The following PAK5 variants were observed in gnomAD, a reference collection of about 807,000 sequenced individuals.
PAK5 encodes the protein serine/threonine-protein kinase PAK 5.
Under a neutral mutation model 65.9 loss-of-function variants are expected in PAK5, and 16 were observed. The observed-to-expected ratio is 0.24, with a 90% CI of 0.16 to 0.37. PAK5 has a LOEUF of 0.37. Among genes scored for constraint, PAK5 ranks in the 10% least tolerant of loss-of-function variants. The pLI is 1.00. For synonymous variants in PAK5, 371 were observed against 354.9 expected (o/e 1.05, Z -0.51); for missense variants, 785 against 903.9 (o/e 0.87, Z 1.69).
Position 9,539,494 on chromosome 20 carries a change from C to G in PAK5, c.2128G>C (p.Val710Leu). ...TGCCTGTATTGTCTCATGAGGGGGA[C>G]GATGCAAGACGGTGGACCTGCTAGT... is the stretch of plus-strand genomic sequence containing the variant. ...LKLAGPPSCI[V>L]PLMRQYRHH is the part of the protein sequence containing the mutation. The change falls in exon 10 of 10, where the codon GTC becomes CTC. Residue 710 changes from valine to leucine, a missense_variant. This residue lies in a region of PAK5 where 110 missense variants were observed against 107.4 expected (regional missense o/e 1.02). Coordinates refer to ENST00000353224, the MANE Select transcript of PAK5 (RefSeq NM_177990.4). 1 of 1,613,958 alleles carries G rather than the reference C, an allele frequency of 6.2e-7. No individual in the cohort carries two copies. The highest frequency in any genetic ancestry group is 8.5e-7 in the Non-Finnish European group (1 of 1,179,924).
At chr20:9,574,742 A>G (rs932636146) in intron 4 of PAK5, among the ~76,000 whole-genome samples, 2 of 152,180 alleles carry the variant, frequency 1.3e-5, no homozygotes, top group Admixed American at 6.5e-5. Context: ...GAGATAGTGC[A>G]CTCAGTCAGT....
intron 1 of PAK5, among the ~76,000 whole-genome samples, chr20:9,713,924 T>A (rs1401433697): frequency 1.6e-4 from 25 of 151,998 alleles, no homozygotes; most frequent in Admixed American, 1.6e-3. Context: ...ATAGAAGGAA[T>A]AAGTTCTAAT....
chr20:9,758,871 A>T (rs2048665565), intron 1 of PAK5, among the ~76,000 whole-genome samples: 1 of 152,104 alleles, frequency 6.6e-6, no homozygotes, highest in Non-Finnish European at 1.5e-5. Flanking sequence ...TTCTGCCTGG[A>T]GGCCATGTCT....
rs574738021 is a variant in PAK5 at position 9,691,335 on chromosome 20, G to T, written c.-12+19951C>A. ...CACTCAGACGGTGGTGGGAGAGAGT[G>T]AGGAAAGGAAGAGCGAGGGTAAAGA... is the stretch of plus-strand genomic sequence containing the variant. On this transcript the variant is annotated intron_variant, in intron 2 of 9. Coordinates refer to ENST00000353224, the MANE Select transcript of PAK5 (RefSeq NM_177990.4). 8.3e-4 allele frequency among the ~76,000 whole-genome samples: 126 copies of T among 152,266 alleles called. 1 individual carries two copies. The highest frequency in any genetic ancestry group is 3.0e-3 in the African/African-American group (123 of 41,558).
chr20:9,703,449 C>T (rs2047965177), intron 2 of PAK5, among the ~76,000 whole-genome samples: 1 of 152,144 alleles, frequency 6.6e-6, no homozygotes, highest in South Asian at 2.1e-4. Flanking sequence ...CATCTGGGCC[C>T]CATCCTGTCA....
In PAK5 at chr20:9,714,865, C is replaced by T. The variant is rs553919428; in HGVS notation, c.-161-3430G>A. On this transcript the variant is annotated intron_variant, in intron 1 of 9. Coordinates refer to ENST00000353224, the MANE Select transcript of PAK5 (RefSeq NM_177990.4). ...ATATGTAGAAAGCTGGAACTAGATC[C>T]CTTCCTTACACCTTATACAAAAATT... is the stretch of plus-strand genomic sequence containing the variant. Among the ~76,000 whole-genome samples the T allele has an allele frequency of 1.6e-4, 24 of 152,222 alleles. No homozygotes were observed. In the East Asian group the frequency reaches 4.4e-3, roughly 28 times the overall value.
intron 3 of PAK5, among the ~76,000 whole-genome samples, chr20:9,606,124 G>T (rs1268228401): frequency 6.6e-6 from 1 of 152,074 alleles, no homozygotes; most frequent in Non-Finnish European, 1.5e-5. Flanking sequence ...GATCATGGGG[G>T]GTGAACTTCT....
Position 9,739,832 on chromosome 20 carries a change from C to T in PAK5, c.-161-28397G>A, listed in dbSNP as rs1360023566. Among the ~76,000 whole-genome samples, 4 of 152,194 alleles carry T rather than the reference C, an allele frequency of 2.6e-5. No homozygotes were observed. In the South Asian group the frequency reaches 6.2e-4, roughly 24 times the overall value. ...CTCAAGATAGAAGCATATCTTCTCA[C>T]CATGATTCTCAATTTGGAATCAGTT... is the stretch of plus-strand genomic sequence containing the variant. On this transcript the variant is annotated intron_variant, in intron 1 of 9. Coordinates refer to ENST00000353224, the MANE Select transcript of PAK5 (RefSeq NM_177990.4).
chr20:9,676,810 C>T (rs1484664906), intron 2 of PAK5, among the ~76,000 whole-genome samples: 1 of 152,052 alleles, frequency 6.6e-6, no homozygotes, highest in Non-Finnish European at 1.5e-5. Flanking sequence ...TTTGTTAATC[C>T]ACTCTCAATT....
chr20:9,599,973 T>C (rs1166782241), intron 3 of PAK5, among the ~76,000 whole-genome samples: 14 of 152,216 alleles, frequency 9.2e-5, no homozygotes, highest in Admixed American at 8.5e-4. Flanking sequence ...AAAAGTTTTA[T>C]AGTTTTAACT....
intron 3 of PAK5, among the ~76,000 whole-genome samples, chr20:9,612,041 T>C (rs2046571031): frequency 6.6e-6 from 1 of 152,200 alleles, no homozygotes; most frequent in Non-Finnish European, 1.5e-5. Context: ...ACAATGTCAT[T>C]CTGCCACCCC....
chr20:9,784,820 AAC>A (rs1206355117), intron 1 of PAK5, among the ~76,000 whole-genome samples: 19 of 152,128 alleles, frequency 1.2e-4, no homozygotes, highest in Non-Finnish European at 2.5e-4. Context: ...AAAAAAAAAC[AAC>A]ACATGTAGCC....
At chr20:9,754,855 T>C (rs1009151919) in intron 1 of PAK5, among the ~76,000 whole-genome samples, 2 of 152,322 alleles carry the variant, frequency 1.3e-5, no homozygotes, top group African/African-American at 4.8e-5. Flanking sequence ...ATTTTCTCCC[T>C]GTTATAATTT....
intron 4 of PAK5, among the ~76,000 whole-genome samples, chr20:9,573,060 T>C (rs2045819257): frequency 6.6e-6 from 1 of 152,130 alleles, no homozygotes; most frequent in South Asian, 2.1e-4. Context: ...TTTAGAAATA[T>C]TGACAAAATG....
chr20:9,715,522 T>C (rs2048133391), intron 1 of PAK5, among the ~76,000 whole-genome samples: 1 of 152,126 alleles, frequency 6.6e-6, no homozygotes, highest in Non-Finnish European at 1.5e-5. Flanking sequence ...GAAATACCAT[T>C]TGACTCAGCC....
At chr20:9,796,789 T>C (rs1283436255) in intron 1 of PAK5, among the ~76,000 whole-genome samples, 2 of 152,154 alleles carry the variant, frequency 1.3e-5, no homozygotes, top group Admixed American at 6.6e-5. Flanking sequence ...AGATTCGATA[T>C]AGCAGATGAG....
chr20:9,700,700 C>T (rs6056810), intron 2 of PAK5, among the ~76,000 whole-genome samples: 46,957 of 151,946 alleles, frequency 0.31, 7,609 homozygotes, highest in African/African-American at 0.4. Context: ...TACCTTAAGA[C>T]AGAAAAGTCA....
chr20:9,604,136 G>T (rs889334086), intron 3 of PAK5, among the ~76,000 whole-genome samples: 4 of 152,182 alleles, frequency 2.6e-5, no homozygotes, highest in African/African-American at 7.2e-5. Context: ...CCAAGCTAGG[G>T]CATCCGGGAG....
At chr20:9,625,436 C>T (rs2046830775) in intron 3 of PAK5, among the ~76,000 whole-genome samples, 1 of 152,226 alleles carries the variant, frequency 6.6e-6, no homozygotes, top group African/African-American at 2.4e-5. Context: ...GTAGTCCCCT[C>T]ACATCTTCCC....
Sources: allele counts gnomAD v4.1 joint callset (sites outside exome capture counted in the v4.1 genomes callset), GRCh38; gene constraint gnomAD v4.1.1; regional missense constraint gnomAD v4.1.1; transcripts MANE v1.5; gene names NCBI Gene and HGNC (gene_info 2026-07-23, HGNC 2026-07-21).